MAGI1: variants seen among roughly 807,000 people sequenced by gnomAD.
The protein encoded by MAGI1 is membrane-associated guanylate kinase, WW and PDZ domain-containing protein 1.
Under a neutral mutation model 139.9 loss-of-function variants are expected in MAGI1, and 58 were observed. That is an observed-to-expected ratio of 0.41 (90% confidence interval 0.34 to 0.52). The LOEUF is 0.52. Among genes scored for constraint, MAGI1 ranks in the 20% least tolerant of loss-of-function variants. The pLI is 0.12. For missense variants in MAGI1, 1,874 were observed against 1,901.6 expected (o/e 0.99, Z 0.27); for synonymous variants, 812 against 737.9 (o/e 1.10, Z -1.63).
At chr3:66,005,774 T>C (rs1439756113) in intron 1 of MAGI1, among the ~76,000 whole-genome samples, 1 of 152,160 alleles carries the variant, frequency 6.6e-6, no homozygotes, top group South Asian at 2.1e-4. Flanking sequence ...ACAAGAAACA[T>C]ACCACAAAGA....
At chr3:65,925,469 A>G (rs2062450606) in intron 1 of MAGI1, among the ~76,000 whole-genome samples, 1 of 152,252 alleles carries the variant, frequency 6.6e-6, no homozygotes, top group South Asian at 2.1e-4. Context: ...CAGTGACCAC[A>G]TAATTCCCTG....
Position 65,364,882 on chromosome 3 carries a change from G to C in MAGI1, c.3261C>G (p.Thr1087=). 1.2e-6 allele frequency: 2 copies of C among 1,614,046 alleles called. No homozygotes were observed. Among genetic ancestry groups the C allele is most frequent in the Non-Finnish European group, 1.7e-6 (2 of 1,179,968 alleles). Residue 1087 remains threonine (T), a synonymous_variant, in exon 19 of 23, where the codon ACC becomes ACG. Transcript: ENST00000402939. The stretch of plus-strand genomic sequence containing the variant: ...TCTCCTGGGTCCCTTGCTGAGAAGG[G>C]GTGTGTGTGGTGGTGATGGTGGCAA... The part of the protein sequence containing the change: ...EKIATITTTH[T]PSQQGTQETR...
intron 13 of MAGI1, among the ~76,000 whole-genome samples, chr3:65,400,133 T>C (rs1251547840): frequency 6.6e-6 from 1 of 152,172 alleles, no homozygotes; most frequent in Non-Finnish European, 1.5e-5. Flanking sequence ...GAGACACACA[T>C]GCGCACATGC....
intron 5 of MAGI1, among the ~76,000 whole-genome samples, chr3:65,462,883 G>C (rs1949910752): frequency 6.6e-6 from 1 of 152,146 alleles, no homozygotes; most frequent in African/African-American, 2.4e-5. Flanking sequence ...TGTAGCCATT[G>C]TGAATGGGAG....
Position 65,642,578 on chromosome 3 carries a change from C to T in MAGI1, c.314-20490G>A, listed in dbSNP as rs1438124211. ...CCTTGATATGTAAGCTCTGTTTATA[C>T]ATACTGAAGTCATACTGGCATCTCA... On this transcript the variant is annotated intron_variant, in intron 1 of 22. Coordinates refer to ENST00000402939, the MANE Select transcript of MAGI1 (RefSeq NM_001033057.2). Among the ~76,000 whole-genome samples the T allele has an allele frequency of 2.0e-5, 3 of 152,210 alleles. No individual in the cohort carries two copies. The South Asian group carries it at 6.2e-4, about 32-fold the overall frequency.
intron 1 of MAGI1, among the ~76,000 whole-genome samples, chr3:66,028,740 C>G (rs1447102702): frequency 6.6e-6 from 1 of 152,150 alleles, no homozygotes; most frequent in African/African-American, 2.4e-5. Context: ...ACTCGGGCAA[C>G]TCAAACCTCC....
At chr3:66,035,519 A>G (rs541579521) in intron 1 of MAGI1, among the ~76,000 whole-genome samples, 1 of 152,326 alleles carries the variant, frequency 6.6e-6, no homozygotes, top group South Asian at 2.1e-4. Context: ...AACTGGTGAA[A>G]TGGTTTCTAG....
At chr3:65,491,618 C>A (rs577318599) in intron 3 of MAGI1, among the ~76,000 whole-genome samples, 1 of 152,088 alleles carries the variant, frequency 6.6e-6, no homozygotes, top group Admixed American at 6.5e-5. Context: ...CACACATGCT[C>A]TCCTCTTCAC....
intron 1 of MAGI1, among the ~76,000 whole-genome samples, chr3:65,754,958 A>T (rs1052472355): frequency 8.8e-4 from 131 of 148,122 alleles, no homozygotes; most frequent in African/African-American, 3.1e-3. Context: ...TATTTTTTAA[A>T]TTTTTTTTTT....
intron 1 of MAGI1, among the ~76,000 whole-genome samples, chr3:65,952,145 C>A (rs1422217214): frequency 6.6e-6 from 1 of 152,162 alleles, no homozygotes; most frequent in African/African-American, 2.4e-5. Flanking sequence ...CCCAAATTTG[C>A]AGATCCCCTA....
At chr3:65,845,525 A>G (rs541396973) in intron 1 of MAGI1, among the ~76,000 whole-genome samples, 18 of 152,314 alleles carry the variant, frequency 1.2e-4, no homozygotes, top group African/African-American at 3.6e-4. Context: ...CACTCAAAAA[A>G]TGCCACCTAT....
At position 65,731,025 on chromosome 3, in the gene MAGI1, A is replaced by T. The variant is rs189045373; in HGVS notation, c.314-108937T>A. ...CTCTAGAGGCATCTTCTAGCCCCCA[A>T]ATTTAGTTACTGGATAACTCAAAAG... On this transcript the variant is annotated intron_variant, in intron 1 of 22. Transcript: ENST00000402939. 2.5e-3 allele frequency among the ~76,000 whole-genome samples: 384 copies of T among 152,218 alleles called. 3 individuals are homozygous for T. Among genetic ancestry groups the T allele is most frequent in the African/African-American group, 8.6e-3 (357 of 41,552 alleles).
intron 1 of MAGI1, among the ~76,000 whole-genome samples, chr3:65,949,998 G>GA (rs553743835): frequency 1.6e-3 from 204 of 129,766 alleles, no homozygotes; most frequent in Admixed American, 3.3e-3. Flanking sequence ...GCAGTGAGCC[G>GA]AGATGGCACC....
intron 1 of MAGI1, among the ~76,000 whole-genome samples, chr3:65,903,923 G>A (rs550946144): frequency 5.3e-5 from 8 of 151,766 alleles, no homozygotes; most frequent in African/African-American, 1.9e-4. Flanking sequence ...CAGGAGAATC[G>A]CTTGAACCCA....
At chr3:65,480,970 C>A (rs1231514758) in intron 3 of MAGI1, among the ~76,000 whole-genome samples, 1 of 152,058 alleles carries the variant, frequency 6.6e-6, no homozygotes, top group Non-Finnish European at 1.5e-5. Context: ...GAGATACACA[C>A]CCACTTTCTT....
intron 2 of MAGI1, among the ~76,000 whole-genome samples, chr3:65,510,584 C>G (rs368700615): frequency 7.1e-6 from 1 of 141,234 alleles, no homozygotes; most frequent in South Asian, 2.5e-4. Flanking sequence ...TGAAATGAAG[C>G]GAGAAGGGAA....
chr3:65,476,891 A>C (rs1950921971), intron 4 of MAGI1, among the ~76,000 whole-genome samples: 1 of 152,242 alleles, frequency 6.6e-6, no homozygotes, highest in Non-Finnish European at 1.5e-5. Flanking sequence ...GATTTCAATT[A>C]AAACATAGGT....
chr3:65,494,625 T>C (rs1952289887), intron 2 of MAGI1, among the ~76,000 whole-genome samples: 1 of 152,238 alleles, frequency 6.6e-6, no homozygotes, highest in African/African-American at 2.4e-5. Flanking sequence ...GGTGGTGATT[T>C]AAGGTCAACG....
At chr3:65,797,409 G>T (rs1443943193) in intron 1 of MAGI1, among the ~76,000 whole-genome samples, 2 of 152,130 alleles carry the variant, frequency 1.3e-5, no homozygotes, top group Non-Finnish European at 2.9e-5. Flanking sequence ...TGATTAAATA[G>T]ATTTAAAATG....
Sources: gnomAD v4.1 joint callset for allele counts (sites outside exome capture counted in the v4.1 genomes callset) on GRCh38, gnomAD v4.1.1 for gene constraint, MANE v1.5 for transcripts, NCBI Gene and HGNC (gene_info 2026-07-23, HGNC 2026-07-21) for gene names.